PAX8: variants seen among roughly 807,000 people sequenced by gnomAD.
PAX8 encodes the protein paired box protein Pax-8.
A neutral mutation model predicts 52.4 loss-of-function variants in PAX8; 15 were observed. That is an observed-to-expected ratio of 0.29 (90% CI 0.19 to 0.44). The LOEUF is 0.44. PAX8 is among the 20% of genes least tolerant of loss of function. The probability of loss-of-function intolerance (pLI) is 1.00; values close to 1 mark genes in which losing one functional copy is unlikely to be tolerated. For missense variants in PAX8, 554 were observed against 602.5 expected, an observed-to-expected ratio of 0.92 and a Z score of 0.84; for synonymous variants, 284 against 249.7, an observed-to-expected ratio of 1.14 and a Z score of -1.29.
At chr2:113,230,341 T>C (rs1246251498) in intron 9 of PAX8, among the ~76,000 whole-genome samples, 1 of 152,150 alleles carries the variant, frequency 6.6e-6, no homozygotes, top group African/African-American at 2.4e-5. Flanking sequence ...CCTGGCAGAG[T>C]AGCAGGCAGA....
chr2:113,235,260 AG>A, intron 9 of PAX8, 133 bp downstream of exon 9: 1 of 737,662 alleles, frequency 1.4e-6, no homozygotes, highest in African/African-American at 1.8e-5. Flanking sequence ...CGCCTCCAAA[AG>A]TTGCCGGAGG....
chr2:113,272,842 C>T (rs1186937369), intron 2 of PAX8: 2 of 152,178 alleles, frequency 1.3e-5, no homozygotes, highest in African/African-American at 2.4e-5. Flanking sequence ...GGCATATTCT[C>T]CTCTCTTAGA....
chr2:113,240,594 T>C (rs956433378), intron 7 of PAX8: 1 of 152,250 alleles, frequency 6.6e-6, no homozygotes, highest in Non-Finnish European at 1.5e-5. Context: ...GAGTCTTTGT[T>C]GGCCTCAGGG....
At chr2:113,241,935 G>T in intron 6 of PAX8, 73 bp downstream of exon 6, 1 of 1,568,788 alleles carries the variant, frequency 6.4e-7, no homozygotes, top group Non-Finnish European at 8.7e-7. Context: ...AAGTGGAAGG[G>T]TTTCTGTCCC....
intron 10 of PAX8, chr2:113,226,092 C>T (rs939046551): frequency 6.1e-6 from 6 of 985,500 alleles, no homozygotes; most frequent in Non-Finnish European, 7.2e-6. Context: ...GAGCATTTCT[C>T]CCTCCCTCTT....
Position 113,234,851 on chromosome 2 carries a change from G to T in PAX8, c.1087+543C>A, listed in dbSNP as rs572387902. On this transcript the variant is annotated intron_variant, in intron 9 of 11. Coordinates refer to ENST00000429538, the MANE Select transcript of PAX8 (RefSeq NM_003466.4). Reference sequence around the variant, plus strand: ...CAGCTTTAAATATTTTGAGGCAGTTGAGGTTCCTGATGGGAGGTCCCCCAC... The same window carrying T: ...CAGCTTTAAATATTTTGAGGCAGTTTAGGTTCCTGATGGGAGGTCCCCCAC... Among the ~76,000 whole-genome samples the T allele has an allele frequency of 2.0e-5, 3 of 152,286 alleles. No homozygotes were observed. The East Asian group carries it at 5.8e-4, about 29-fold the overall frequency.
chr2:113,242,660 G>C, intron 5 of PAX8, 30 bp downstream of exon 5: 1 of 1,462,688 alleles, frequency 6.8e-7, no homozygotes, highest in Middle Eastern at 1.7e-4. Context: ...ACACGAGCAT[G>C]TGTGTGTATC....
At chr2:113,258,334 G>A (rs1051845901) in intron 2 of PAX8, among the ~76,000 whole-genome samples, 1 of 152,064 alleles carries the variant, frequency 6.6e-6, no homozygotes, top group Non-Finnish European at 1.5e-5. Flanking sequence ...TTCCGGCTCT[G>A]GGTTTGCATC....
At chr2:113,242,370 A>G (rs1690932879) in intron 5 of PAX8, among the ~76,000 whole-genome samples, 1 of 151,822 alleles carries the variant, frequency 6.6e-6, no homozygotes, top group Admixed American at 6.6e-5. Flanking sequence ...GACACTGTGC[A>G]GGAGGCAGCA....
At chr2:113,240,629 C>G (rs1690737909) in intron 7 of PAX8, 1 of 152,236 alleles carries the variant, frequency 6.6e-6, no homozygotes, top group Non-Finnish European at 1.5e-5. Context: ...TCTCTGTCAG[C>G]TTTTCACGGA....
intron 3 of PAX8, among the ~76,000 whole-genome samples, chr2:113,246,266 C>T (rs1428663109): frequency 6.6e-6 from 1 of 152,228 alleles, no homozygotes; most frequent in Non-Finnish European, 1.5e-5. Context: ...CCCCTGGTGA[C>T]TGTAATGTGC....
chr2:113,236,384 AC>A (rs1306585646), intron 8 of PAX8: 19 of 411,012 alleles, frequency 4.6e-5, no homozygotes, highest in African/African-American at 1.6e-4. Context: ...CCCTGGGCCC[AC>A]CTTGAGGCCC....
At chr2:113,247,727 A>G (rs1573479881) in intron 2 of PAX8, among the ~76,000 whole-genome samples, 2 of 152,212 alleles carry the variant, frequency 1.3e-5, no homozygotes, top group African/African-American at 4.8e-5. Context: ...GAGCCCATCT[A>G]TCCAGTCAAA....
At chr2:113,261,106 C>T (rs1692647228) in intron 2 of PAX8, among the ~76,000 whole-genome samples, 1 of 152,076 alleles carries the variant, frequency 6.6e-6, no homozygotes, top group Admixed American at 6.5e-5. Flanking sequence ...AGGAGATTAT[C>T]CACTCTAAAA....
chr2:113,278,247 G>A, intron 2 of PAX8, 123 bp downstream of exon 2: 2 of 773,246 alleles, frequency 2.6e-6, no homozygotes, highest in African/African-American at 1.7e-5. Flanking sequence ...CCCCAGCTGG[G>A]TCCCCACGCG....
rs371624917 is a variant in PAX8, at chr2:113,246,746, G to A, written c.191+8C>T. 2.8e-5 allele frequency: 45 copies of A among 1,611,196 alleles called. No homozygotes were observed. The highest frequency in any genetic ancestry group is 2.4e-4 in the African/African-American group (18 of 74,876). ...GGGAAGGCGGCCTGCGGTGAATTTC[G>A]TGCTTACCTGCCAAGGATCTTGCTG... On this transcript the variant is annotated splice_region_variant and intron_variant, in intron 3 of 11. Coordinates refer to ENST00000429538, the MANE Select transcript of PAX8 (RefSeq NM_003466.4).
intron 10 of PAX8, chr2:113,226,772 T>G (rs1307924669): frequency 7.6e-6 from 9 of 1,191,832 alleles, no homozygotes; most frequent in Non-Finnish European, 9.5e-6. Context: ...CCAGCACTGC[T>G]TGAGGGTAGG....
chr2:113,275,496 T>G (rs186197619), intron 2 of PAX8: 1 of 152,356 alleles, frequency 6.6e-6, no homozygotes, highest in Admixed American at 6.5e-5. Context: ...GGAATGGGGC[T>G]TTAGATCTCA....
intron 7 of PAX8, chr2:113,237,498 T>C (rs1392679604): frequency 6.6e-6 from 1 of 152,192 alleles, no homozygotes. Context: ...TCCAAACAAA[T>C]AGAAGTGTGC....
Sources: allele counts gnomAD v4.1 joint callset (sites outside exome capture counted in the v4.1 genomes callset), GRCh38; gene constraint gnomAD v4.1.1; transcripts MANE v1.5; gene names NCBI Gene and HGNC (gene_info 2026-07-23, HGNC 2026-07-21).